UGT3A1: variants seen among roughly 807,000 people sequenced by gnomAD.
UGT3A1 encodes the protein UDP glycosyltransferase family 3 member A1, also known as UDP-glycosyltransferase 3A1.
A neutral mutation model predicts 37.6 loss-of-function variants in UGT3A1; 40 were observed. That is an observed-to-expected ratio of 1.06 (90% CI 0.83 to 1.38). UGT3A1 has a LOEUF of 1.38. UGT3A1 is among the 40% of genes most tolerant of loss of function. UGT3A1 has a pLI of 0.00. For synonymous variants in UGT3A1, 256 were observed against 232.3 expected (o/e 1.10, Z -0.93); for missense variants, 642 against 634.2 (o/e 1.01, Z -0.13).
chr5:35,996,713 T>C (rs1254985085), intron 2 of UGT3A1, among the ~76,000 whole-genome samples: 1 of 152,218 alleles, frequency 6.6e-6, no homozygotes, highest in Non-Finnish European at 1.5e-5. Context: ...GTCCTGACAA[T>C]GTACCACAAT....
intron 1 of UGT3A1, among the ~76,000 whole-genome samples, chr5:35,997,559 T>C (rs1309969475): frequency 6.6e-6 from 1 of 152,070 alleles, no homozygotes; most frequent in East Asian, 1.9e-4. Flanking sequence ...CCAGAGTAGC[T>C]GGGATTACAG....
intron 2 of UGT3A1, among the ~76,000 whole-genome samples, chr5:35,983,260 A>G (rs977570846): frequency 3.3e-5 from 5 of 152,182 alleles, no homozygotes; most frequent in African/African-American, 1.2e-4. Flanking sequence ...AAGTCTCTAT[A>G]TTATTACAAA....
upstream of UGT3A1, among the ~76,000 whole-genome samples, chr5:35,994,048 C>T (rs1475655825): frequency 6.6e-6 from 1 of 152,076 alleles, no homozygotes; most frequent in Non-Finnish European, 1.5e-5. Flanking sequence ...AAAAAAACTC[C>T]TTTTTTGTGG....
intron 2 of UGT3A1, among the ~76,000 whole-genome samples, chr5:35,975,330 C>T (rs1177785244): frequency 6.6e-6 from 1 of 152,230 alleles, no homozygotes; most frequent in Non-Finnish European, 1.5e-5. Flanking sequence ...TAGCATCATT[C>T]CTCAGGGTAA....
rs1383619634 is a variant in UGT3A1 at position 35,951,830 on chromosome 5, T to G, written c.*2372A>C. On this transcript the variant is annotated 3_prime_UTR_variant, in exon 7 of 7. Coordinates refer to ENST00000274278, the MANE Select transcript of UGT3A1 (RefSeq NM_152404.4). ...TCAGCATGGTATCATTTTTTGTACC[T>G]AGATATCTGGTGTATAGGAATTCAG... The G allele has an allele frequency of 5.3e-5, 8 of 152,302 alleles. No individual in the cohort carries two copies. In the East Asian group the frequency reaches 1.5e-3, roughly 29 times the overall value. The allele number at this position is 152,302 out of a possible 1,614,324, so 9.4% of individuals were successfully genotyped here.
At position 36,000,184 on chromosome 5, in the gene UGT3A1, A is replaced by G. The variant is rs150831831; in HGVS notation, c.-160+784T>C. Reference sequence around the variant, plus strand: ...AGTGCTGCTTACACCCCAATCCACCACTTTCGGTAAACATTAACTGTCCCC... The same window carrying G: ...AGTGCTGCTTACACCCCAATCCACCGCTTTCGGTAAACATTAACTGTCCCC... On this transcript the variant is annotated intron_variant, in intron 1 of 5. Transcript: ENST00000625798. Among the ~76,000 whole-genome samples, 808 of 152,238 alleles carry G rather than the reference A, an allele frequency of 5.3e-3. 6 individuals are homozygous for G. The highest frequency in any genetic ancestry group is 0.018 in the African/African-American group (758 of 41,540).
At position 35,991,268 on chromosome 5, in the gene UGT3A1, C is replaced by A. The variant is rs765576302; in HGVS notation, c.-28G>T. On this transcript the variant is annotated 5_prime_UTR_variant, in exon 1 of 7. Transcript: ENST00000274278. ...TCACTTCCACAGAAGCAGCGGATCTCAGCCTGGGCTGCGCGCCCTGCGCCG... is the reference window on the plus strand; with the variant it reads ...TCACTTCCACAGAAGCAGCGGATCTAAGCCTGGGCTGCGCGCCCTGCGCCG... 1.9e-6 allele frequency: 3 copies of A among 1,613,858 alleles called. No individual in the cohort carries two copies. In the African/African-American group the frequency reaches 4.0e-5, roughly 22 times the overall value.
At chr5:35,983,429 G>T (rs909016301) in intron 2 of UGT3A1, among the ~76,000 whole-genome samples, 7 of 152,016 alleles carry the variant, frequency 4.6e-5, no homozygotes, top group African/African-American at 1.4e-4. Flanking sequence ...TTAAAGAAAA[G>T]CCCAAAACCT....
intron 2 of UGT3A1, among the ~76,000 whole-genome samples, chr5:35,977,695 C>G (rs1452107063): frequency 1.3e-5 from 2 of 152,236 alleles, no homozygotes; most frequent in African/African-American, 4.8e-5. Flanking sequence ...AAATAAACCT[C>G]TTTTCTTTAT....
intron 4 of UGT3A1, among the ~76,000 whole-genome samples, chr5:35,957,880 G>A (rs1302820581): frequency 6.6e-6 from 1 of 152,138 alleles, no homozygotes; most frequent in Non-Finnish European, 1.5e-5. Flanking sequence ...TTTCTATTAG[G>A]TCCAGTTGGT....
upstream of UGT3A1, among the ~76,000 whole-genome samples, chr5:35,992,787 G>A (rs928302038): frequency 6.6e-6 from 1 of 152,144 alleles, no homozygotes; most frequent in Non-Finnish European, 1.5e-5. Flanking sequence ...ATATTAAGTA[G>A]TTACTGTTGC....
In UGT3A1 at chr5:35,955,779, TCCCA is replaced by T; in HGVS notation, c.1157_1160del (p.Val386AspfsTer15). 1 of 1,614,176 alleles carries T rather than the reference TCCCA, an allele frequency of 6.2e-7. No homozygotes were observed. The highest frequency in any genetic ancestry group is 8.5e-7 in the Non-Finnish European group (1 of 1,180,038). On this transcript the variant is annotated frameshift_variant, in exon 6 of 7. Transcript: ENST00000274278. LOFTEE classifies it high-confidence loss of function. ...CATGCTGGTCTCCATTGACTGGTAA[TCCCA>T]CCATGGGCACACCATGACGGATGGC...
chr5:35,954,452 C>T lies in UGT3A1; in HGVS notation c.1322G>A (p.Ser441Asn). ...KRYKSAVVAA[S>N]VILHSQPLSP... is the part of the protein sequence containing the mutation. The stretch of plus-strand genomic sequence containing the variant: ...CAGGGGCTGAGAGTGCAGGATGACA[C>T]TGGCTGCCACCACTGCCGACTTGTA... Residue 441 changes from serine (S) to asparagine (N), a missense_variant, in exon 7 of 7, where the codon AGT becomes AAT. Coordinates refer to ENST00000274278, the MANE Select transcript of UGT3A1 (RefSeq NM_152404.4). The T allele has an allele frequency of 6.2e-7, 1 of 1,614,108 alleles. No homozygotes were observed. Among genetic ancestry groups the T allele is most frequent in the Non-Finnish European group, 8.5e-7 (1 of 1,179,986 alleles).
In UGT3A1 at chr5:35,991,161, G is replaced by T. The variant is rs775346340; in HGVS notation, c.80C>A (p.Thr27Lys). The T allele has an allele frequency of 2.2e-5, 35 of 1,614,084 alleles. 1 individual carries two copies. Among genetic ancestry groups the T allele is most frequent in the Admixed American group, 5.0e-5 (3 of 60,002 alleles). Residue 27 changes from threonine to lysine, a missense_variant, in exon 1 of 7, where the codon ACA becomes AAA. By Grantham distance (78) the Thr-to-Lys change is moderately conservative (BLOSUM62 -1). Coordinates refer to ENST00000274278, the MANE Select transcript of UGT3A1 (RefSeq NM_152404.4). Reference sequence around the variant, plus strand: ...CAAGCACTCACCCAGTGTAGATATTGTCAGGATTTTGGCAGCCTCTGAGAG... The same window carrying T: ...CAAGCACTCACCCAGTGTAGATATTTTCAGGATTTTGGCAGCCTCTGAGAG... The part of the protein sequence containing the change: ...VLLSEAAKIL[T>K]ISTLGGSHYL...
chr5:35,963,262 C>A (rs1239456479), intron 4 of UGT3A1, among the ~76,000 whole-genome samples: 3 of 152,192 alleles, frequency 2.0e-5, no homozygotes, highest in Non-Finnish European at 2.9e-5. Context: ...GTTTAGTCAG[C>A]AGGAATTTGT....
At chr5:35,957,100 A>G (rs1478449) in intron 5 of UGT3A1, 88 bp downstream of exon 5, 603,205 of 1,098,542 alleles carry the variant, frequency 0.55, 169,901 homozygotes, top group African/African-American at 0.66. Context: ...ACGTAGGCTG[A>G]TACAAATGCC....
In UGT3A1 at chr5:35,955,753, C is replaced by T; in HGVS notation, c.1187G>A (p.Gly396Glu). The T allele has an allele frequency of 6.2e-7, 1 of 1,614,170 alleles. No homozygotes were observed. Among genetic ancestry groups the T allele is most frequent in the Non-Finnish European group, 8.5e-7 (1 of 1,180,026 alleles). The change falls in exon 6 of 7, where the codon GGA (glycine) becomes GAA (glutamate). Residue 396 changes from glycine (G) to glutamate (E), a missense_variant. Transcript: ENST00000274278. ...TTTGGCTACTACTCGGACCATGTTT[C>T]CATGCTGGTCTCCATTGACTGGTAA... ...VGLPVNGDQH[G>E]NMVRVVAKNY...
intron 2 of UGT3A1, among the ~76,000 whole-genome samples, chr5:35,971,459 C>T (rs943785728): frequency 1.9e-4 from 23 of 121,894 alleles, no homozygotes; most frequent in South Asian, 3.2e-4. Context: ...AAATGACACA[C>T]GCATACACAC....
intron 2 of UGT3A1, among the ~76,000 whole-genome samples, chr5:35,996,505 G>T (rs1741099523): frequency 6.6e-6 from 1 of 152,102 alleles, no homozygotes; most frequent in African/African-American, 2.4e-5. Context: ...TCATTTCAAT[G>T]GAATCACCCC....
Sources: gnomAD v4.1 joint callset for allele counts (sites outside exome capture counted in the v4.1 genomes callset) on GRCh38, gnomAD v4.1.1 for gene constraint, MANE v1.5 for transcripts, NCBI Gene and HGNC (gene_info 2026-07-23, HGNC 2026-07-21) for gene names.